Variants in WDHD1 observed in about 807,000 individuals in gnomAD.
WDHD1 encodes WD repeat and HMG-box DNA-binding protein 1.
Under a neutral mutation model 135.4 loss-of-function variants are expected in WDHD1, and 111 were observed. The observed-to-expected ratio is 0.82, with a 90% CI of 0.70 to 0.96. The LOEUF is 0.96. Among genes scored for constraint, WDHD1 ranks in the 40% least tolerant of loss-of-function variants. WDHD1 has a pLI of 0.00. For synonymous variants in WDHD1, 434 were observed against 439.0 expected, an observed-to-expected ratio of 0.99 and a Z score of 0.14; for missense variants, 1,351 against 1,336.3, an observed-to-expected ratio of 1.01 and a Z score of -0.17.
chr14:54,962,041 T>C (rs1214579923), intron 21 of WDHD1, among the ~76,000 whole-genome samples: 1 of 152,210 alleles, frequency 6.6e-6, no homozygotes, highest in African/African-American at 2.4e-5. Flanking sequence ...TTCACCGTGT[T>C]GGCCAGGCTA....
chr14:55,027,082 C>G lies in WDHD1; in HGVS notation c.-71G>C, dbSNP rs2042462796. On this transcript the variant is annotated 5_prime_UTR_variant, in exon 1 of 26. Transcript: ENST00000360586. ...TCCACAAGAGCTGCTTCCCGCGCTT[C>G]GGCTCGCTCACCACACTGCGCCTGC... is the stretch of plus-strand genomic sequence containing the variant. 1 of 389,966 alleles carries G rather than the reference C, an allele frequency of 2.6e-6. No individual in the cohort carries two copies. Among genetic ancestry groups the G allele is most frequent in the Admixed American group, 3.6e-5 (1 of 27,576 alleles). The allele number at this position is 389,966 out of a possible 1,614,324, so 24.2% of individuals were successfully genotyped here.
At chr14:54,984,993 T>C in intron 14 of WDHD1, 133 bp from the exon 15 acceptor site, 1 of 1,095,890 alleles carries the variant, frequency 9.1e-7, no homozygotes, top group Non-Finnish European at 1.3e-6. Context: ...GAATAACCCA[T>C]CCAACTGAGG....
chr14:54,991,802 T>A (rs1703809512), intron 11 of WDHD1, among the ~76,000 whole-genome samples: 1 of 152,132 alleles, frequency 6.6e-6, no homozygotes, highest in Admixed American at 6.5e-5. Flanking sequence ...ACTAAGTGAT[T>A]TTTTTTCATA....
rs1176141250 is a variant in WDHD1, at chr14:54,995,760, CAT to C, written c.994_995del (p.Met332GlufsTer2). 1 of 1,612,682 alleles carries C rather than the reference CAT, an allele frequency of 6.2e-7. No homozygotes were observed. The highest frequency in any genetic ancestry group is 8.5e-7 in the Non-Finnish European group (1 of 1,179,486). On this transcript the variant is annotated frameshift_variant, in exon 11 of 26. Coordinates refer to ENST00000360586, the MANE Select transcript of WDHD1 (RefSeq NM_007086.4). LOFTEE classifies it high-confidence loss of function. ...CATTTAGAAAATCACCAGCATTACT[CAT>C]ATCATCTCCATCAAAAAGATCATTA... ...DYNDLFDGDD[M>X]SNAGDFLNDN...
chr14:54,944,130 GTTA>G (rs1245607943), intron 25 of WDHD1, among the ~76,000 whole-genome samples, 199 bp downstream of exon 25: 2 of 151,120 alleles, frequency 1.3e-5, no homozygotes, highest in Admixed American at 6.6e-5. Flanking sequence ...CTTTGTTGTT[GTTA>G]TTATTATTAT....
At chr14:54,946,148 T>C (rs1024030360) in intron 24 of WDHD1, among the ~76,000 whole-genome samples, 2 of 152,246 alleles carry the variant, frequency 1.3e-5, no homozygotes. Flanking sequence ...GTCACAAGTC[T>C]ACTTAGTGGC....
At chr14:54,983,734 G>C (rs1299786277) in intron 15 of WDHD1, among the ~76,000 whole-genome samples, 1 of 151,664 alleles carries the variant, frequency 6.6e-6, no homozygotes, top group African/African-American at 2.4e-5. Context: ...GCCCACTCTG[G>C]TCTTGAACTC....
At position 54,962,557 on chromosome 14, in the gene WDHD1, G is replaced by T; in HGVS notation, c.2648-6C>A. 8 of 1,605,590 alleles carry T rather than the reference G, an allele frequency of 5.0e-6. No homozygotes were observed. Among genetic ancestry groups the T allele is most frequent in the Non-Finnish European group, 6.8e-6 (8 of 1,174,250 alleles). On this transcript the variant is annotated splice_polypyrimidine_tract_variant and splice_region_variant and intron_variant, in intron 20 of 25. Transcript: ENST00000360586. ...TTTGGAAAACGAGTTCTGTCCTACAGATTAAAATAAAGCAATATAATGTAA... is the reference window on the plus strand; with the variant it reads ...TTTGGAAAACGAGTTCTGTCCTACATATTAAAATAAAGCAATATAATGTAA...
At chr14:54,956,358 C>T (rs1425551806) in intron 23 of WDHD1, among the ~76,000 whole-genome samples, 1 of 152,078 alleles carries the variant, frequency 6.6e-6, no homozygotes, top group African/African-American at 2.4e-5. Context: ...GCAGGATAGG[C>T]TGGGTGCGGT....
At chr14:54,987,063 G>C in intron 14 of WDHD1, 83 bp downstream of exon 14, 1 of 1,514,554 alleles carries the variant, frequency 6.6e-7, no homozygotes, top group Admixed American at 1.9e-5. Flanking sequence ...TATAATCCAA[G>C]ACAAAAAGAG....
chr14:54,943,706 T>C (rs1341558332), intron 25 of WDHD1, among the ~76,000 whole-genome samples: 5 of 152,192 alleles, frequency 3.3e-5, no homozygotes, highest in African/African-American at 9.6e-5. Context: ...CTTGACACTT[T>C]TGATTTTTAA....
chr14:54,974,475 C>T (rs1000034619), intron 16 of WDHD1, among the ~76,000 whole-genome samples: 10 of 139,400 alleles, frequency 7.2e-5, no homozygotes, highest in African/African-American at 2.5e-4. Context: ...AAATTGACCA[C>T]AAAACCTGTT....
intron 16 of WDHD1, among the ~76,000 whole-genome samples, chr14:54,977,079 AT>A (rs1010858109): frequency 2.7e-4 from 41 of 151,996 alleles, no homozygotes; most frequent in African/African-American, 8.5e-4. Context: ...ATACAAAAAA[AT>A]AAGGTTGTTT....
intron 7 of WDHD1, among the ~76,000 whole-genome samples, chr14:55,004,361 G>A (rs950287195): frequency 6.6e-6 from 1 of 151,994 alleles, no homozygotes; most frequent in Non-Finnish European, 1.5e-5. Flanking sequence ...ATAACTTTAT[G>A]TTTTATTATC....
At chr14:54,946,966 C>A (rs1461765554) in intron 24 of WDHD1, among the ~76,000 whole-genome samples, 1 of 151,862 alleles carries the variant, frequency 6.6e-6, no homozygotes, top group Admixed American at 6.6e-5. Flanking sequence ...TTGCTTGAAC[C>A]CAGAAGGTGG....
intron 2 of WDHD1, 129 bp from the exon 3 acceptor site, chr14:55,013,725 G>C (rs550213443): frequency 2.3e-5 from 16 of 689,288 alleles, no homozygotes; most frequent in South Asian, 1.6e-4. Flanking sequence ...GGATAATACA[G>C]AGAGACCTAG....
In WDHD1 at chr14:54,982,076, G is replaced by C. The variant is rs576526152; in HGVS notation, c.1907-380C>G. On this transcript the variant is annotated intron_variant, in intron 15 of 25. Coordinates refer to ENST00000360586, the MANE Select transcript of WDHD1 (RefSeq NM_007086.4). ...GGCTGGAGGGCAGTGGCGCGATCTC[G>C]GCCCACTGCAAGCTCCGCCTTCCAG... 4.0e-5 allele frequency among the ~76,000 whole-genome samples: 6 copies of C among 151,610 alleles called. No individual in the cohort carries two copies. The South Asian group carries it at 1.3e-3, about 32-fold the overall frequency.
At chr14:55,024,744 G>A (rs2042404767) in intron 2 of WDHD1, among the ~76,000 whole-genome samples, 1 of 144,416 alleles carries the variant, frequency 6.9e-6, no homozygotes, top group Non-Finnish European at 1.5e-5. Context: ...ATTAAGGGCG[G>A]TGCAAGATGT....
chr14:54,980,882 A>G (rs2140189151), intron 16 of WDHD1, among the ~76,000 whole-genome samples: 1 of 150,988 alleles, frequency 6.6e-6, no homozygotes, highest in East Asian at 1.9e-4. Context: ...AGGCCGAGGC[A>G]GGCAGATCAC....
Sources: gnomAD v4.1 joint callset for allele counts (sites outside exome capture counted in the v4.1 genomes callset) on GRCh38, gnomAD v4.1.1 for gene constraint, MANE v1.5 for transcripts, NCBI Gene and HGNC (gene_info 2026-07-23, HGNC 2026-07-21) for gene names.